The following CLSTN2 variants were observed in gnomAD, a reference collection of about 807,000 sequenced individuals.
The protein encoded by CLSTN2 is calsyntenin 2.
A neutral mutation model predicts 101.2 loss-of-function variants in CLSTN2; 48 were observed. That is an observed-to-expected ratio of 0.47 (90% CI 0.38 to 0.60). CLSTN2 has a LOEUF of 0.60. Ranked by LOEUF, CLSTN2 falls within the 20% of genes least tolerant of loss-of-function variation. The pLI is 0.00. For missense variants in CLSTN2, 1,160 were observed against 1,238.2 expected (o/e 0.94, Z 0.95); for synonymous variants, 481 against 463.6 (o/e 1.04, Z -0.48).
At chr3:140,308,051 C>T (rs2087131872) in intron 2 of CLSTN2, among the ~76,000 whole-genome samples, 1 of 152,158 alleles carries the variant, frequency 6.6e-6, no homozygotes, top group Non-Finnish European at 1.5e-5. Flanking sequence ...ACCTCCTCCC[C>T]ACCCCATGAT....
At chr3:140,303,770 C>A (rs377159149) in intron 2 of CLSTN2, among the ~76,000 whole-genome samples, 1 of 151,900 alleles carries the variant, frequency 6.6e-6, no homozygotes, top group South Asian at 2.1e-4. Flanking sequence ...GTAGGCAGTG[C>A]TCCTGTATCC....
intron 2 of CLSTN2, among the ~76,000 whole-genome samples, chr3:140,367,781 C>T (rs1038552918): frequency 6.6e-6 from 1 of 152,178 alleles, no homozygotes; most frequent in Non-Finnish European, 1.5e-5. Flanking sequence ...TTGGGAACCT[C>T]TCTGAGCCTC....
chr3:140,261,437 G>A (rs1559822270), intron 2 of CLSTN2, among the ~76,000 whole-genome samples: 1 of 151,960 alleles, frequency 6.6e-6, no homozygotes, highest in Non-Finnish European at 1.5e-5. Context: ...TGGTTTTTGG[G>A]TTTTATTGAA....
intron 2 of CLSTN2, among the ~76,000 whole-genome samples, chr3:140,330,810 G>A (rs1433099475): frequency 1.3e-5 from 2 of 152,206 alleles, no homozygotes; most frequent in African/African-American, 4.8e-5. Flanking sequence ...GACTTGCAAG[G>A]TGAGAGCATT....
At position 140,104,215 on chromosome 3, in the gene CLSTN2, T is replaced by G. The variant is rs932178209; in HGVS notation, c.110-71736T>G. Among the ~76,000 whole-genome samples the G allele has an allele frequency of 3.3e-5, 5 of 152,146 alleles. No homozygotes were observed. The East Asian group carries it at 9.6e-4, about 29-fold the overall frequency. Reference sequence around the variant, plus strand: ...GCACCCTTCAAAGGATGACCTGGGTTTTTCCACAGACAGTTCCTCCCACCT... The same window carrying G: ...GCACCCTTCAAAGGATGACCTGGGTGTTTCCACAGACAGTTCCTCCCACCT... On this transcript the variant is annotated intron_variant, in intron 1 of 16. Coordinates refer to ENST00000458420, the MANE Select transcript of CLSTN2 (RefSeq NM_022131.3).
chr3:140,562,070 G>T, intron 12 of CLSTN2, 68 bp from the exon 13 acceptor site: 8 of 1,432,976 alleles, frequency 5.6e-6, no homozygotes, highest in Non-Finnish European at 7.8e-6. Context: ...GAGGAGGAAG[G>T]TGATTAGCAA....
intron 2 of CLSTN2, among the ~76,000 whole-genome samples, chr3:140,232,773 T>C (rs2086381538): frequency 6.6e-6 from 1 of 152,136 alleles, no homozygotes. Context: ...AACTTGAGTG[T>C]CTTCTTTAAT....
At chr3:140,214,147 A>T (rs1442848232) in intron 2 of CLSTN2, among the ~76,000 whole-genome samples, 1 of 150,344 alleles carries the variant, frequency 6.7e-6, no homozygotes, top group Non-Finnish European at 1.5e-5. Context: ...CTTATCTATA[A>T]AAAAAAAATA....
chr3:140,197,194 T>C (rs1402247745), intron 2 of CLSTN2, among the ~76,000 whole-genome samples: 1 of 152,150 alleles, frequency 6.6e-6, no homozygotes, highest in African/African-American at 2.4e-5. Context: ...CTGTCCTCAC[T>C]ATGAAATGAT....
chr3:139,979,111 G>A (rs1280357276), intron 1 of CLSTN2, among the ~76,000 whole-genome samples: 1 of 152,146 alleles, frequency 6.6e-6, no homozygotes, highest in Admixed American at 6.5e-5. Flanking sequence ...AGAACTGTGA[G>A]AGCTTGACCC....
At chr3:140,375,796 A>T (rs2087911308) in intron 2 of CLSTN2, among the ~76,000 whole-genome samples, 1 of 152,084 alleles carries the variant, frequency 6.6e-6, no homozygotes, top group South Asian at 2.1e-4. Flanking sequence ...CATTTTGTTG[A>T]TAACTTACTA....
chr3:140,432,466 C>T (rs2088642333), intron 5 of CLSTN2, among the ~76,000 whole-genome samples: 1 of 152,140 alleles, frequency 6.6e-6, no homozygotes, highest in Admixed American at 6.5e-5. Context: ...AGCGTGACCC[C>T]AGGGCAGGTG....
At chr3:140,128,678 G>C (rs1213389862) in intron 1 of CLSTN2, among the ~76,000 whole-genome samples, 1 of 152,152 alleles carries the variant, frequency 6.6e-6, no homozygotes, top group Non-Finnish European at 1.5e-5. Flanking sequence ...TACTGGGAGA[G>C]ATCTGGGCGA....
rs1397439479 is a variant in CLSTN2 at position 140,570,324 on chromosome 3, T to G, written c.*4071T>G. The G allele has an allele frequency of 1.3e-5, 2 of 152,248 alleles. No homozygotes were observed. The highest frequency in any genetic ancestry group is 4.8e-5 in the African/African-American group (2 of 41,470). The allele number at this position is 152,248 out of a possible 1,614,324, so 9.4% of individuals were successfully genotyped here. A position where few individuals can be genotyped will look rare whatever the true frequency, so the allele number is the denominator to read the frequency against. On this transcript the variant is annotated 3_prime_UTR_variant, in exon 17 of 17. Transcript: ENST00000458420. Reference sequence around the variant, plus strand: ...AACTGACCTGAACATATTCTTTTTTTCATTATTATTCCTTGAACAATACAG... The same window carrying G: ...AACTGACCTGAACATATTCTTTTTTGCATTATTATTCCTTGAACAATACAG...
intron 4 of CLSTN2, among the ~76,000 whole-genome samples, chr3:140,410,858 A>C (rs763976685): frequency 6.6e-6 from 1 of 152,210 alleles, no homozygotes; most frequent in African/African-American, 2.4e-5. Context: ...TTATCAGCTT[A>C]AAATAGACTG....
intron 1 of CLSTN2, among the ~76,000 whole-genome samples, chr3:139,996,424 C>G (rs1036014900): frequency 1.3e-5 from 2 of 152,172 alleles, no homozygotes; most frequent in Admixed American, 6.5e-5. Context: ...GAGTCTCGCT[C>G]TGTCGCCCAG....
At chr3:140,087,875 C>A (rs1202088277) in intron 1 of CLSTN2, among the ~76,000 whole-genome samples, 4 of 152,090 alleles carry the variant, frequency 2.6e-5, no homozygotes, top group African/African-American at 9.7e-5. Context: ...ATAGTAGTGT[C>A]TGGAAGGTGT....
At position 140,017,329 on chromosome 3, in the gene CLSTN2, G is replaced by T. The variant is rs533447200; in HGVS notation, c.109+81846G>T. 2.6e-5 allele frequency among the ~76,000 whole-genome samples: 4 copies of T among 152,318 alleles called. No individual in the cohort carries two copies. The South Asian group carries it at 8.3e-4, about 32-fold the overall frequency. ...TGCATGCTGTGATACAGGAAGGTTG[G>T]GAAGTGCTTGTCAGAAGGGTGGTCA... On this transcript the variant is annotated intron_variant, in intron 1 of 16. Coordinates refer to ENST00000458420, the MANE Select transcript of CLSTN2 (RefSeq NM_022131.3).
intron 1 of CLSTN2, among the ~76,000 whole-genome samples, chr3:140,069,513 GAAGT>G (rs768251202): frequency 2.6e-5 from 4 of 152,200 alleles, no homozygotes; most frequent in East Asian, 1.9e-4. Context: ...GATTGTATAA[GAAGT>G]AAGTATGACC....
Sources: gnomAD v4.1 joint callset for allele counts (sites outside exome capture counted in the v4.1 genomes callset) on GRCh38, gnomAD v4.1.1 for gene constraint, MANE v1.5 for transcripts, NCBI Gene and HGNC (gene_info 2026-07-23, HGNC 2026-07-21) for gene names.